The following ZNF469 variants were observed in gnomAD, a reference collection of about 807,000 sequenced individuals.
ZNF469 encodes zinc finger protein 469.
Under a neutral mutation model 1.0 loss-of-function variants are expected in ZNF469, and 1 was observed. The ratio of observed to expected loss-of-function variants is 1.00; its 90% CI spans 0.35 to 4.73. ZNF469 has a LOEUF of 4.73. Among genes scored for constraint, ZNF469 ranks in the 30% most tolerant of loss-of-function variants. The pLI, the probability that ZNF469 is intolerant of heterozygous loss-of-function variation, is 0.16. For synonymous variants in ZNF469, 2,703 were observed against 2,363.4 expected (o/e 1.14, Z -4.17); for missense variants, 6,100 against 5,356.3 (o/e 1.14, Z -4.33).
At chr16:88,341,115 T>C in the ZNF469 span, among the ~76,000 whole-genome samples, 1 of 152,208 alleles carries the variant, frequency 6.6e-6, no homozygotes, top group Non-Finnish European at 1.5e-5. Context: ...TCTCAGGCCT[T>C]GTGGGCCACA....
chr16:88,228,869 T>A, the ZNF469 span, among the ~76,000 whole-genome samples: 1 of 152,156 alleles, frequency 6.6e-6, no homozygotes, highest in African/African-American at 2.4e-5. Flanking sequence ...GGCCATGGGC[T>A]CCCAGTGTCT....
the ZNF469 span, among the ~76,000 whole-genome samples, chr16:88,124,372 C>T: frequency 6.6e-6 from 1 of 152,112 alleles, no homozygotes. Context: ...ACTTCAGGCA[C>T]ATGCCATCAC....
At chr16:88,215,383 A>ATTTTTTTTTT in the ZNF469 span, among the ~76,000 whole-genome samples, 30 of 94,160 alleles carry the variant, frequency 3.2e-4, 2 homozygotes, top group African/African-American at 7.9e-4. Flanking sequence ...TTGCCTTTTA[A>ATTTTTTTTTT]TTTTTTTTTT....
At chr16:88,186,095 G>A in the ZNF469 span, among the ~76,000 whole-genome samples, 2 of 152,360 alleles carry the variant, frequency 1.3e-5, no homozygotes, top group South Asian at 4.1e-4. Flanking sequence ...GGATCACTGG[G>A]CCGACACCGG....
chr16:88,414,374 C>T (rs1340220063), intron 1 of ZNF469, among the ~76,000 whole-genome samples: 6 of 152,234 alleles, frequency 3.9e-5, no homozygotes, highest in Non-Finnish European at 8.8e-5. Flanking sequence ...GGCATCTGGC[C>T]TCGGGGGCAC....
chr16:88,315,353 C>T, the ZNF469 span, among the ~76,000 whole-genome samples: 1 of 152,210 alleles, frequency 6.6e-6, no homozygotes, highest in African/African-American at 2.4e-5. Context: ...CACTGTTGGG[C>T]CACACATGCA....
the ZNF469 span, among the ~76,000 whole-genome samples, chr16:88,223,368 A>G: frequency 6.6e-6 from 1 of 152,216 alleles, no homozygotes; most frequent in Non-Finnish European, 1.5e-5. Flanking sequence ...CCCTCCCCAG[A>G]CACATGGAAC....
At chr16:88,253,781 C>G in the ZNF469 span, among the ~76,000 whole-genome samples, 1 of 152,176 alleles carries the variant, frequency 6.6e-6, no homozygotes, top group Non-Finnish European at 1.5e-5. Flanking sequence ...TCAAGCAATC[C>G]TCCCACCTCG....
the ZNF469 span, among the ~76,000 whole-genome samples, chr16:88,167,046 G>C: frequency 1.4e-5 from 2 of 141,130 alleles, no homozygotes; most frequent in Admixed American, 7.2e-5. Context: ...AAAACTGCAG[G>C]CTTATTCTTT....
the ZNF469 span, among the ~76,000 whole-genome samples, chr16:88,180,198 A>G: frequency 6.6e-6 from 1 of 152,234 alleles, no homozygotes; most frequent in Non-Finnish European, 1.5e-5. Flanking sequence ...CGAGACAAAT[A>G]CAAAATAAAT....
chr16:88,309,919 C>G, the ZNF469 span, among the ~76,000 whole-genome samples: 4 of 152,220 alleles, frequency 2.6e-5, no homozygotes, highest in African/African-American at 4.8e-5. Context: ...GAGGGCCTGC[C>G]CCTGCCAGAG....
At chr16:88,168,924 C>CA in the ZNF469 span, among the ~76,000 whole-genome samples, 1 of 151,578 alleles carries the variant, frequency 6.6e-6, no homozygotes, top group South Asian at 2.1e-4. This position sits in a 1 kb window ranked among gnomAD's most constrained non-coding sequence, Gnocchi z 4.3. Context: ...AGTGAGACCC[C>CA]CCCCTCTACA....
chr16:88,366,912 T>A, the ZNF469 span, among the ~76,000 whole-genome samples: 2 of 152,096 alleles, frequency 1.3e-5, no homozygotes, highest in African/African-American at 4.8e-5. Context: ...AAGACCATCA[T>A]CATCATCAAG....
At chr16:88,190,316 C>G in the ZNF469 span, among the ~76,000 whole-genome samples, 4 of 152,254 alleles carry the variant, frequency 2.6e-5, no homozygotes, top group Non-Finnish European at 5.9e-5. Context: ...ACCCTTGGCA[C>G]TTGCCTGGGT....
chr16:88,429,934 G>A lies in ZNF469; in HGVS notation c.2464G>A (p.Ala822Thr), dbSNP rs1420744968. 1.6e-5 allele frequency: 25 copies of A among 1,550,010 alleles called. No homozygotes were observed. Among genetic ancestry groups the A allele is most frequent in the Non-Finnish European group, 2.0e-5 (23 of 1,146,906 alleles). The change falls in exon 3 of 3, where the codon GCC becomes ACC. Residue 822 changes from alanine to threonine, a missense_variant. Transcript: ENST00000565624. ...GACAGGCTTCCTGCCCAGCCTGGCCGCCACCCCCTTCCCGCTCCCTGCCTC... is the reference window on the plus strand; with the variant it reads ...GACAGGCTTCCTGCCCAGCCTGGCCACCACCCCCTTCCCGCTCCCTGCCTC... ...LRTGFLPSLA[A>T]TPFPLPASDL...
the ZNF469 span, among the ~76,000 whole-genome samples, chr16:88,171,188 A>T: frequency 6.6e-6 from 1 of 152,364 alleles, no homozygotes; most frequent in Non-Finnish European, 1.5e-5. Flanking sequence ...AGTCATGAGG[A>T]TGCACATGTG....
chr16:88,438,081 G>C lies in ZNF469; in HGVS notation c.10611G>C (p.Pro3537=). The C allele has an allele frequency of 6.4e-7, 1 of 1,550,388 alleles. No individual in the cohort carries two copies. Among genetic ancestry groups the C allele is most frequent in the Non-Finnish European group, 8.7e-7 (1 of 1,146,960 alleles). The change falls in exon 3 of 3, where the codon CCG becomes CCC. Residue 3537 remains proline (P), a synonymous_variant. Transcript: ENST00000565624. ...LERPVDPVTH[P]IRGCELPSNH... is the part of the protein sequence containing the mutation. ...GGCCTGTAGACCCCGTGACCCACCC[G>C]ATCAGAGGTTGTGAGCTGCCATCCA...
At chr16:88,277,560 A>G in the ZNF469 span, among the ~76,000 whole-genome samples, 3 of 150,922 alleles carry the variant, frequency 2.0e-5, no homozygotes, top group African/African-American at 7.4e-5. Context: ...CTCGGTCAGT[A>G]CCGTGTAGAT....
the ZNF469 span, among the ~76,000 whole-genome samples, chr16:88,213,255 C>T: frequency 1.5e-3 from 232 of 152,206 alleles, 1 homozygote; most frequent in Admixed American, 4.3e-3. Flanking sequence ...CCCGCCACCA[C>T]GCCCAGCTAA....
Sources: gnomAD v4.1 joint callset for allele counts (sites outside exome capture counted in the v4.1 genomes callset) on GRCh38, gnomAD v4.1.1 for gene constraint, Gnocchi (gnomAD v3.1) non-coding constraint, MANE v1.5 for transcripts, NCBI Gene and HGNC (gene_info 2026-07-23, HGNC 2026-07-21) for gene names.